The following KCND2 variants were observed in gnomAD, a reference collection of about 807,000 sequenced individuals.
KCND2 encodes the protein A-type voltage-gated potassium channel KCND2.
A neutral mutation model predicts 54.4 loss-of-function variants in KCND2; 16 were observed. The ratio of observed to expected loss-of-function variants is 0.29; its 90% CI spans 0.20 to 0.45. KCND2 has a LOEUF of 0.45. KCND2 is among the 20% of genes least tolerant of loss of function. KCND2 has a pLI of 1.00. For synonymous variants in KCND2, 317 were observed against 310.7 expected, an observed-to-expected ratio of 1.02 and a Z score of -0.21; for missense variants, 486 against 824.2, an observed-to-expected ratio of 0.59 and a Z score of 5.02.
At chr7:120,518,048 C>G (rs1803220887) in intron 1 of KCND2, among the ~76,000 whole-genome samples, 1 of 152,098 alleles carries the variant, frequency 6.6e-6, no homozygotes, top group African/African-American at 2.4e-5. Flanking sequence ...TACAGTTATT[C>G]ATACCTGAAG....
At chr7:120,468,184 G>A (rs967311791) in intron 1 of KCND2, among the ~76,000 whole-genome samples, 1 of 151,998 alleles carries the variant, frequency 6.6e-6, no homozygotes, top group Admixed American at 6.6e-5. Flanking sequence ...AGAAAACAAT[G>A]TTTGTATATA....
intron 1 of KCND2, among the ~76,000 whole-genome samples, chr7:120,369,927 T>G (rs1042053480): frequency 6.6e-6 from 1 of 151,992 alleles, no homozygotes; most frequent in African/African-American, 2.4e-5. Context: ...TTACATACTA[T>G]GTTAAACGGT....
chr7:120,281,993 C>T (rs1799270825), intron 1 of KCND2, among the ~76,000 whole-genome samples: 1 of 152,168 alleles, frequency 6.6e-6, no homozygotes, highest in Non-Finnish European at 1.5e-5. Flanking sequence ...TCAACTTTTT[C>T]ATCCATAACT....
intron 1 of KCND2, among the ~76,000 whole-genome samples, chr7:120,434,236 T>C (rs1801834682): frequency 6.6e-6 from 1 of 152,186 alleles, no homozygotes; most frequent in Admixed American, 6.5e-5. Flanking sequence ...CCAAACTTCC[T>C]AAGACAGTTT....
intron 1 of KCND2, among the ~76,000 whole-genome samples, chr7:120,534,284 G>A (rs1562866162): frequency 6.6e-6 from 1 of 152,030 alleles, no homozygotes; most frequent in South Asian, 2.1e-4. Context: ...TTGATAGCTC[G>A]TACCATTGCA....
intron 1 of KCND2, among the ~76,000 whole-genome samples, chr7:120,436,432 T>C (rs1487409023): frequency 6.6e-6 from 1 of 152,212 alleles, no homozygotes; most frequent in Non-Finnish European, 1.5e-5. Context: ...ATAGGAGTTG[T>C]CCTATATGTC....
chr7:120,301,352 A>T (rs1799583406), intron 1 of KCND2, among the ~76,000 whole-genome samples: 1 of 152,176 alleles, frequency 6.6e-6, no homozygotes, highest in South Asian at 2.1e-4. Context: ...CATATTCTGT[A>T]ACCACTGGCA....
intron 1 of KCND2, among the ~76,000 whole-genome samples, chr7:120,359,183 A>G (rs1352206625): frequency 3.9e-5 from 6 of 152,166 alleles, no homozygotes; most frequent in Non-Finnish European, 5.9e-5. Flanking sequence ...TATGAAGCCT[A>G]CCTTTTAAAT....
chr7:120,679,746 G>A (rs1301543291), intron 1 of KCND2, among the ~76,000 whole-genome samples: 3 of 151,810 alleles, frequency 2.0e-5, no homozygotes. Flanking sequence ...CTTCTTTTTT[G>A]ACCTAAAATT....
intron 1 of KCND2, among the ~76,000 whole-genome samples, chr7:120,521,591 A>G (rs1405737560): frequency 1.3e-5 from 2 of 152,172 alleles, no homozygotes; most frequent in African/African-American, 4.8e-5. Flanking sequence ...TGAGGTGTTC[A>G]TTTCTCAGTC....
chr7:120,449,351 C>A (rs552560818), intron 1 of KCND2, among the ~76,000 whole-genome samples: 1 of 150,116 alleles, frequency 6.7e-6, no homozygotes, highest in East Asian at 2.0e-4. Flanking sequence ...AAAATATTTT[C>A]TCCTCTTTAA....
intron 1 of KCND2, among the ~76,000 whole-genome samples, chr7:120,377,256 G>T (rs1303214615): frequency 6.6e-6 from 1 of 151,922 alleles, no homozygotes; most frequent in Non-Finnish European, 1.5e-5. Flanking sequence ...ATTTTTGAAT[G>T]CAAGTTATGA....
At chr7:120,588,229 C>T (rs1472956419) in intron 1 of KCND2, among the ~76,000 whole-genome samples, 2 of 152,092 alleles carry the variant, frequency 1.3e-5, no homozygotes, top group Non-Finnish European at 2.9e-5. Context: ...GCTTTATAGT[C>T]TAACAGGTGT....
chr7:120,481,470 A>G (rs1226671631), intron 1 of KCND2, among the ~76,000 whole-genome samples: 1 of 152,212 alleles, frequency 6.6e-6, no homozygotes, highest in East Asian at 1.9e-4. Context: ...TTGACCATTT[A>G]CTAAAGACAG....
chr7:120,404,177 G>A (rs565299292), intron 1 of KCND2, among the ~76,000 whole-genome samples: 24 of 152,190 alleles, frequency 1.6e-4, no homozygotes, highest in Admixed American at 5.2e-4. Context: ...AACAGTATCT[G>A]TACTTACCTG....
chr7:120,500,017 G>T (rs985626887), intron 1 of KCND2, among the ~76,000 whole-genome samples: 1 of 152,026 alleles, frequency 6.6e-6, no homozygotes, highest in Non-Finnish European at 1.5e-5. Context: ...AGAAAAAAAA[G>T]AACTTAAATC....
At chr7:120,490,097 C>T (rs1802756599) in intron 1 of KCND2, among the ~76,000 whole-genome samples, 1 of 152,114 alleles carries the variant, frequency 6.6e-6, no homozygotes, top group Non-Finnish European at 1.5e-5. Flanking sequence ...TGACTGTCTT[C>T]ATAGCAACCC....
chr7:120,659,145 C>A (rs1791837617), intron 1 of KCND2, among the ~76,000 whole-genome samples: 1 of 152,154 alleles, frequency 6.6e-6, no homozygotes, highest in African/African-American at 2.4e-5. Context: ...AAATATACTA[C>A]CAATGGAGGG....
intron 1 of KCND2, among the ~76,000 whole-genome samples, chr7:120,595,254 C>T (rs1191844306): frequency 6.6e-6 from 1 of 151,394 alleles, no homozygotes; most frequent in Non-Finnish European, 1.5e-5. Flanking sequence ...GAGTTCGAGA[C>T]CAGCCTGGTC....
Sources: gnomAD v4.1 joint callset for allele counts (sites outside exome capture counted in the v4.1 genomes callset) on GRCh38, gnomAD v4.1.1 for gene constraint, MANE v1.5 for transcripts, NCBI Gene and HGNC (gene_info 2026-07-23, HGNC 2026-07-21) for gene names.